SPOCK3: variants seen among roughly 807,000 people sequenced by gnomAD.
SPOCK3 encodes testican-3.
Under a neutral mutation model 56.6 loss-of-function variants are expected in SPOCK3, and 30 were observed. The observed-to-expected ratio is 0.53, with a 90% CI of 0.40 to 0.72. SPOCK3 has a LOEUF of 0.72. SPOCK3 is among the 30% of genes least tolerant of loss of function. SPOCK3 has a pLI of 0.00. For missense variants in SPOCK3, 527 were observed against 530.0 expected, an observed-to-expected ratio of 0.99 and a Z score of 0.06; for synonymous variants, 196 against 183.3, an observed-to-expected ratio of 1.07 and a Z score of -0.56.
chr4:166,865,940 C>A (rs557299027), intron 6 of SPOCK3, among the ~76,000 whole-genome samples: 2 of 152,110 alleles, frequency 1.3e-5, no homozygotes, highest in Non-Finnish European at 2.9e-5. Flanking sequence ...CTTTAAATTT[C>A]ATATGGAACT....
intron 2 of SPOCK3, among the ~76,000 whole-genome samples, chr4:167,155,684 G>A (rs1336881494): frequency 1.3e-5 from 2 of 152,054 alleles, no homozygotes; most frequent in East Asian, 1.9e-4. Flanking sequence ...TTGTTAACAG[G>A]AAAACATAGA....
intron 2 of SPOCK3, among the ~76,000 whole-genome samples, chr4:167,211,703 A>C (rs941254001): frequency 6.6e-6 from 1 of 152,220 alleles, no homozygotes; most frequent in Non-Finnish European, 1.5e-5. Flanking sequence ...TCTCTCAGCC[A>C]CATGGAACTC....
chr4:166,977,147 T>C (rs1166376150), intron 4 of SPOCK3, among the ~76,000 whole-genome samples: 1 of 152,034 alleles, frequency 6.6e-6, no homozygotes, highest in Non-Finnish European at 1.5e-5. Flanking sequence ...CTTTTTGCTG[T>C]TTTTAGACAC....
chr4:166,739,169 G>A (rs1361087035), intron 9 of SPOCK3, among the ~76,000 whole-genome samples: 2 of 152,142 alleles, frequency 1.3e-5, no homozygotes, highest in Admixed American at 1.3e-4. Context: ...ATTCTAACCG[G>A]TGTGAGATGG....
At chr4:166,939,565 A>C (rs1204198581) in intron 4 of SPOCK3, among the ~76,000 whole-genome samples, 1 of 152,158 alleles carries the variant, frequency 6.6e-6, no homozygotes, top group Non-Finnish European at 1.5e-5. Context: ...ATGATACCTG[A>C]GTTGGGATCT....
intron 2 of SPOCK3, among the ~76,000 whole-genome samples, chr4:167,207,694 T>A (rs1013003242): frequency 9.9e-5 from 15 of 152,254 alleles, no homozygotes; most frequent in African/African-American, 3.1e-4. Flanking sequence ...GTAAACCTAT[T>A]TCAATAAGTT....
At chr4:166,814,170 G>A (rs756738374) in intron 6 of SPOCK3, among the ~76,000 whole-genome samples, 33 of 151,950 alleles carry the variant, frequency 2.2e-4, no homozygotes, top group Admixed American at 1.3e-3. Context: ...ATCAAACAAC[G>A]GCAATTTTGT....
intron 3 of SPOCK3, among the ~76,000 whole-genome samples, chr4:167,024,805 C>A (rs1277671433): frequency 6.6e-6 from 1 of 151,850 alleles, no homozygotes; most frequent in Non-Finnish European, 1.5e-5. Flanking sequence ...AAAGAACTTA[C>A]TCATGTAACC....
At chr4:167,014,089 T>C (rs1750357864) in intron 3 of SPOCK3, among the ~76,000 whole-genome samples, 1 of 152,146 alleles carries the variant, frequency 6.6e-6, no homozygotes, top group African/African-American at 2.4e-5. Context: ...ATGAAACCCC[T>C]ATAAAATCTC....
In SPOCK3 at chr4:166,899,284, ATCTATCTAT is replaced by A. The variant is rs1560987081; in HGVS notation, c.475-10049_475-10041del. On this transcript the variant is annotated intron_variant, in intron 5 of 10. Transcript: ENST00000357545. ...TATCTATCTATCTATCTATCTATCT[ATCTATCTAT>A]CTATCTATGTACCCTATGGGTTGTA... Among the ~76,000 whole-genome samples the A allele has an allele frequency of 1.7e-4, 25 of 143,268 alleles. No homozygotes were observed. The East Asian group carries it at 2.8e-3, about 16-fold the overall frequency. The allele number at this position is 143,268 out of a possible 152,430, so 94.0% of individuals were successfully genotyped here.
intron 2 of SPOCK3, among the ~76,000 whole-genome samples, chr4:167,125,670 G>A (rs1037440218): frequency 1.1e-4 from 16 of 152,046 alleles, no homozygotes; most frequent in Admixed American, 3.3e-4. Flanking sequence ...AGCCAAGATC[G>A]CGCCACTGGA....
intron 4 of SPOCK3, among the ~76,000 whole-genome samples, chr4:166,940,960 A>G (rs1457713254): frequency 6.6e-6 from 1 of 150,818 alleles, no homozygotes; most frequent in South Asian, 2.1e-4. Flanking sequence ...TTCAGGATGA[A>G]CTGTCTATTC....
intron 2 of SPOCK3, among the ~76,000 whole-genome samples, chr4:167,134,829 T>C (rs1762984570): frequency 6.6e-6 from 1 of 152,206 alleles, no homozygotes; most frequent in East Asian, 1.9e-4. Flanking sequence ...GATATAACTA[T>C]GTAGCATATT....
chr4:166,928,008 G>T (rs1279752440), intron 4 of SPOCK3, among the ~76,000 whole-genome samples: 1 of 152,130 alleles, frequency 6.6e-6, no homozygotes, highest in Admixed American at 6.6e-5. Flanking sequence ...TTCAGGACTC[G>T]CAAATTGAAA....
At chr4:166,859,156 A>T (rs1730984406) in intron 6 of SPOCK3, among the ~76,000 whole-genome samples, 1 of 152,204 alleles carries the variant, frequency 6.6e-6, no homozygotes, top group Non-Finnish European at 1.5e-5. Flanking sequence ...AATAGGCTAT[A>T]CCATATAGCC....
At chr4:167,160,573 C>T (rs891235243) in intron 2 of SPOCK3, among the ~76,000 whole-genome samples, 17 of 146,394 alleles carry the variant, frequency 1.2e-4, no homozygotes, top group Admixed American at 8.5e-4. Context: ...AAAAAGAGCC[C>T]GCATCGCCAA....
At chr4:166,765,027 C>T (rs1579151831) in intron 7 of SPOCK3, among the ~76,000 whole-genome samples, 1 of 151,838 alleles carries the variant, frequency 6.6e-6, no homozygotes, top group African/African-American at 2.4e-5. Flanking sequence ...ACCCACTTTT[C>T]GATGGGTTCT....
chr4:166,925,058 G>T (rs1382748372), intron 4 of SPOCK3, among the ~76,000 whole-genome samples: 1 of 152,174 alleles, frequency 6.6e-6, no homozygotes, highest in African/African-American at 2.4e-5. Flanking sequence ...TGGATATATA[G>T]AGAGATAAAT....
At chr4:167,187,072 G>T (rs549349705) in intron 2 of SPOCK3, among the ~76,000 whole-genome samples, 3 of 151,582 alleles carry the variant, frequency 2.0e-5, no homozygotes, top group Non-Finnish European at 4.4e-5. Flanking sequence ...ATTTTATATT[G>T]GTTAATTTTA....
Sources: allele counts gnomAD v4.1 joint callset (sites outside exome capture counted in the v4.1 genomes callset), GRCh38; gene constraint gnomAD v4.1.1; transcripts MANE v1.5; gene names NCBI Gene and HGNC (gene_info 2026-07-23, HGNC 2026-07-21).